NOTCH2: variants seen among roughly 807,000 people sequenced by gnomAD.
NOTCH2 encodes the protein neurogenic locus notch homolog protein 2.
A neutral mutation model predicts 235.8 loss-of-function variants in NOTCH2; 29 were observed. That is an observed-to-expected ratio of 0.12 (90% CI 0.09 to 0.17). The LOEUF (loss-of-function observed/expected upper bound fraction) is 0.17, where lower values mean the gene tolerates loss of function less well. Ranked by LOEUF, NOTCH2 falls within the 10% of genes least tolerant of loss-of-function variation. The probability of loss-of-function intolerance (pLI) is 1.00; values close to 1 mark genes in which losing one functional copy is unlikely to be tolerated. For synonymous variants in NOTCH2, 1,086 were observed against 1,141.5 expected (o/e 0.95, Z 0.98); for missense variants, 2,285 against 3,150.2 (o/e 0.73, Z 6.57).
chr1:119,996,811 A>T lies in NOTCH2; in HGVS notation c.751+186T>A, dbSNP rs782379563. ...ATCATAAACCCTGACATGCTAAATT[A>T]TCCCCTGCTCAGTTTATGGACCACA... is the stretch of plus-strand genomic sequence containing the variant. On this transcript the variant is annotated intron_variant, in intron 4 of 33. Coordinates refer to ENST00000256646, the MANE Select transcript of NOTCH2 (RefSeq NM_024408.4). 7.2e-5 allele frequency: 57 copies of T among 793,370 alleles called. No homozygotes were observed. In the South Asian group the frequency reaches 8.0e-4, roughly 11 times the overall value. 49.1% of individuals were successfully genotyped at this position (793,370 alleles called of 1,614,324 possible). A position where few individuals can be genotyped will look rare whatever the true frequency, so the allele number is the denominator to read the frequency against.
chr1:120,021,890 A>C (rs2101298530), intron 2 of NOTCH2, among the ~76,000 whole-genome samples: 1 of 66,450 alleles, frequency 1.5e-5, no homozygotes, highest in African/African-American at 6.4e-5. Flanking sequence ...ATGTGTTAAG[A>C]AGCTACTAAC....
At chr1:119,930,787 A>G (rs1447672367) in intron 22 of NOTCH2, among the ~76,000 whole-genome samples, 2 of 145,280 alleles carry the variant, frequency 1.4e-5, no homozygotes, top group African/African-American at 5.1e-5. Flanking sequence ...TCAAAAAATA[A>G]TAATAATCAT....
chr1:119,966,312 T>C lies in NOTCH2; in HGVS notation c.1567+64A>G. ...GCCCACACACATTCTCTCCCTGCTC[T>C]CTTCCCTGTGGTCAGTTGGCTTTGT... On this transcript the variant is annotated intron_variant, in intron 9 of 33. Coordinates refer to ENST00000256646, the MANE Select transcript of NOTCH2 (RefSeq NM_024408.4). The C allele has an allele frequency of 4.7e-6, 5 of 1,066,282 alleles. No homozygotes were observed. In the South Asian group the frequency reaches 6.2e-5, roughly 13 times the overall value. 66.1% of individuals were successfully genotyped at this position (1,066,282 alleles called of 1,614,324 possible). A position where few individuals can be genotyped will look rare whatever the true frequency, so the allele number is the denominator to read the frequency against.
Position 119,917,874 on chromosome 1 carries a change from C to CT in NOTCH2, c.5930-113dup, listed in dbSNP as rs1430251838. The CT allele has an allele frequency of 5.2e-6, 4 of 766,390 alleles. No individual in the cohort carries two copies. The African/African-American group carries it at 6.8e-5, about 13-fold the overall frequency. The allele number at this position is 766,390 out of a possible 1,614,324, so 47.5% of individuals were successfully genotyped here. A position where few individuals can be genotyped will look rare whatever the true frequency, so the allele number is the denominator to read the frequency against. On this transcript the variant is annotated intron_variant, in intron 32 of 33. Transcript: ENST00000256646. ...CCAGAGATCAGCAGGAAGCAGTTCTCTGTAGGGGTCTATAGGAAAAACCAA... is the reference window on the plus strand; with the variant it reads ...CCAGAGATCAGCAGGAAGCAGTTCTCTTGTAGGGGTCTATAGGAAAAACCAA...
chr1:119,955,278 A>C, intron 12 of NOTCH2, 46 bp from the exon 13 acceptor site: 2 of 1,586,748 alleles, frequency 1.3e-6, no homozygotes, highest in Non-Finnish European at 1.7e-6. Context: ...AATGCTTAGG[A>C]AATAGACCCA....
intron 5 of NOTCH2, among the ~76,000 whole-genome samples, 174 bp from the exon 6 acceptor site, chr1:119,969,918 T>C (rs1432277366): frequency 2.6e-5 from 4 of 152,176 alleles, no homozygotes; most frequent in African/African-American, 9.7e-5. Flanking sequence ...ATCTAAATGA[T>C]ATTTTTTCCA....
chr1:119,969,862 TC>T, intron 5 of NOTCH2, 118 bp from the exon 6 acceptor site: 1 of 895,266 alleles, frequency 1.1e-6, no homozygotes, highest in Non-Finnish European at 1.8e-6. Flanking sequence ...CAAGCAGAGC[TC>T]CAGAAGGCTG....
intron 2 of NOTCH2, among the ~76,000 whole-genome samples, chr1:120,006,885 G>A (rs1288118277): frequency 6.6e-6 from 1 of 152,130 alleles, no homozygotes; most frequent in Non-Finnish European, 1.5e-5. Flanking sequence ...CCATTGGTTG[G>A]CAAGGCTAGC....
chr1:119,964,413 A>G (rs986634716), intron 10 of NOTCH2, among the ~76,000 whole-genome samples: 11 of 152,196 alleles, frequency 7.2e-5, no homozygotes, highest in Admixed American at 7.2e-4. Flanking sequence ...AGACTCCAGG[A>G]GTCCTCCCCC....
intron 6 of NOTCH2, 46 bp downstream of exon 6, chr1:119,969,464 GC>G (rs1553200108): frequency 2.0e-6 from 3 of 1,501,766 alleles, no homozygotes; most frequent in Non-Finnish European, 1.8e-6. Flanking sequence ...AGTCCTGAAT[GC>G]CCCCTGCCCC....
chr1:119,919,289 G>C (rs746092998), intron 31 of NOTCH2, 23 bp downstream of exon 31: 4 of 1,595,392 alleles, frequency 2.5e-6, no homozygotes, highest in Non-Finnish European at 3.4e-6. Flanking sequence ...TATTATTCAA[G>C]TGACTCTTCT....
At chr1:119,977,575 G>T (rs1319820265) in intron 5 of NOTCH2, among the ~76,000 whole-genome samples, 1 of 152,120 alleles carries the variant, frequency 6.6e-6, no homozygotes, top group Non-Finnish European at 1.5e-5. Context: ...GAAAGAGCGG[G>T]TTTTCTTTTT....
chr1:119,966,332 C>A, intron 9 of NOTCH2, 44 bp downstream of exon 9: 1 of 1,344,556 alleles, frequency 7.4e-7, no homozygotes, highest in Non-Finnish European at 1.1e-6. Flanking sequence ...GGTCAGTTGG[C>A]TTTGTGCTTT....
At chr1:119,975,035 A>G (rs1311342549) in intron 5 of NOTCH2, among the ~76,000 whole-genome samples, 1 of 152,204 alleles carries the variant, frequency 6.6e-6, no homozygotes, top group African/African-American at 2.4e-5. Flanking sequence ...GAGGTATAGC[A>G]ACTTGCCCAA....
chr1:120,060,450 AATAT>A (rs782431280), intron 1 of NOTCH2, among the ~76,000 whole-genome samples: 51 of 139,868 alleles, frequency 3.6e-4, no homozygotes, highest in South Asian at 2.8e-3. Flanking sequence ...TCATAAACTA[AATAT>A]ATATATATAT....
At chr1:119,916,729 T>C in intron 33 of NOTCH2, 35 bp from the exon 34 acceptor site, 9 of 1,606,768 alleles carry the variant, frequency 5.6e-6, no homozygotes, top group Non-Finnish European at 7.7e-6. Context: ...CACATGTTAA[T>C]AACACTCTTG....
At chr1:119,924,059 A>T in intron 25 of NOTCH2, 75 bp from the exon 26 acceptor site, 1 of 1,285,974 alleles carries the variant, frequency 7.8e-7, no homozygotes, top group African/African-American at 1.5e-5. Flanking sequence ...TTCATTTGGA[A>T]CTACTGTGGA....
In NOTCH2 at chr1:119,984,437, T is replaced by C. The variant is rs587623101; in HGVS notation, c.874+2523A>G. ...AAGGATATTTAAACTCTATCTCTAA[T>C]ACAGTTATTGCAAAGATTACACAGA... On this transcript the variant is annotated intron_variant, in intron 5 of 33. Transcript: ENST00000256646. Among the ~76,000 whole-genome samples the C allele has an allele frequency of 2.6e-5, 4 of 152,328 alleles. No individual in the cohort carries two copies. The South Asian group carries it at 8.3e-4, about 32-fold the overall frequency.
chr1:119,973,944 T>C (rs587605945), intron 5 of NOTCH2, among the ~76,000 whole-genome samples: 1 of 152,024 alleles, frequency 6.6e-6, no homozygotes, highest in Admixed American at 6.5e-5. Flanking sequence ...ACTTCGAGTA[T>C]GAATTCGGAA....
Sources: gnomAD v4.1 joint callset for allele counts (sites outside exome capture counted in the v4.1 genomes callset) on GRCh38, gnomAD v4.1.1 for gene constraint, MANE v1.5 for transcripts, NCBI Gene and HGNC (gene_info 2026-07-23, HGNC 2026-07-21) for gene names.